Variants in RAD51B observed in about 807,000 individuals in gnomAD.
RAD51B encodes DNA repair protein RAD51 homolog 2.
In RAD51B, 38 loss-of-function variants were observed where a neutral mutation model predicts 42.2. The ratio of observed to expected loss-of-function variants is 0.90; its 90% CI spans 0.70 to 1.18. The LOEUF is 1.18. Ranked by LOEUF, RAD51B falls within the 50% of genes most tolerant of loss-of-function variation. The pLI is 0.00. For missense variants in RAD51B, 373 were observed against 400.7 expected (o/e 0.93, Z 0.59); for synonymous variants, 154 against 145.2 (o/e 1.06, Z -0.43).
chr14:68,420,518 C>T (rs964396305), intron 9 of RAD51B, among the ~76,000 whole-genome samples: 1 of 152,094 alleles, frequency 6.6e-6, no homozygotes, highest in Admixed American at 6.5e-5. Context: ...CAGAACTGGG[C>T]GTTCCTCCCC....
chr14:68,352,178 A>G (rs2082803793), intron 8 of RAD51B, among the ~76,000 whole-genome samples: 2 of 152,198 alleles, frequency 1.3e-5, no homozygotes, highest in South Asian at 4.1e-4. Context: ...ATAAATAAAT[A>G]TAAGTTGAAT....
downstream of RAD51B, among the ~76,000 whole-genome samples, chr14:68,599,064 C>G (rs762411346): frequency 1.3e-5 from 2 of 152,180 alleles, no homozygotes; most frequent in African/African-American, 4.8e-5. Flanking sequence ...TCTCCTGCGC[C>G]GTATCTGAGC....
In RAD51B at chr14:67,950,128, CGA is replaced by C. The variant is rs141641584; in HGVS notation, c.756+62930_756+62931del. The stretch of plus-strand genomic sequence containing the variant: ...AGTTGCCAACTGCATTAGCCTCTAC[CGA>C]GAGAGTCAGCCTATCCTTTGAAGTT... On this transcript the variant is annotated intron_variant, in intron 7 of 10. Coordinates refer to ENST00000471583, the MANE Select transcript of RAD51B (RefSeq NM_133510.4). Among the ~76,000 whole-genome samples, 799 of 152,252 alleles carry C rather than the reference CGA, an allele frequency of 5.2e-3. 7 individuals carry two copies. The highest frequency in any genetic ancestry group is 6.1e-3 in the Non-Finnish European group (415 of 68,016).
chr14:68,222,993 C>T (rs747618104), intron 7 of RAD51B, among the ~76,000 whole-genome samples: 1 of 152,190 alleles, frequency 6.6e-6, no homozygotes, highest in Non-Finnish European at 1.5e-5. Context: ...TCCAGCCCCA[C>T]GTGTCCAAGT....
At position 68,312,910 on chromosome 14, in the gene RAD51B, C is replaced by G. The variant is rs1209865058; in HGVS notation, c.853+20930C>G. 2.0e-5 allele frequency among the ~76,000 whole-genome samples: 3 copies of G among 152,168 alleles called. 1 individual carries two copies. Among genetic ancestry groups the G allele is most frequent in the Admixed American group, 1.3e-4 (2 of 15,272 alleles). The stretch of plus-strand genomic sequence containing the variant: ...ATTAAGGCCATTTGGTCTATTGATG[C>G]AAAATACCTTCGTTTTACTAACCAC... On this transcript the variant is annotated intron_variant, in intron 8 of 10. Coordinates refer to ENST00000471583, the MANE Select transcript of RAD51B (RefSeq NM_133510.4).
At chr14:68,235,572 C>T (rs372283745) in intron 7 of RAD51B, among the ~76,000 whole-genome samples, 3 of 149,620 alleles carry the variant, frequency 2.0e-5, no homozygotes, top group South Asian at 4.3e-4. Context: ...GGCGTAGTGG[C>T]GGGCGCCTGT....
intron 7 of RAD51B, among the ~76,000 whole-genome samples, chr14:67,966,316 T>C (rs1268094715): frequency 1.3e-5 from 2 of 152,158 alleles, no homozygotes; most frequent in African/African-American, 4.8e-5. Flanking sequence ...AAATAGCAGC[T>C]CTTTACCTCA....
At chr14:68,338,848 C>T (rs760141934) in intron 8 of RAD51B, 3 of 609,468 alleles carry the variant, frequency 4.9e-6, no homozygotes, top group Non-Finnish European at 6.3e-6. Context: ...TCGTATCTGT[C>T]GTAGTTGGTC....
intron 4 of RAD51B, among the ~76,000 whole-genome samples, chr14:67,838,872 C>T (rs571377080): frequency 6.7e-6 from 1 of 150,254 alleles, no homozygotes; most frequent in Admixed American, 6.6e-5. Flanking sequence ...GAACTTTCCT[C>T]CATTTCCTAG....
exon 11 of RAD51B, chr14:68,595,372 C>A: frequency 9.4e-7 from 1 of 1,066,362 alleles, no homozygotes; most frequent in Non-Finnish European, 1.1e-6. Context: ...GTCAAGGGAG[C>A]CTGTTTTGTC....
intron 8 of RAD51B, among the ~76,000 whole-genome samples, chr14:68,382,004 TG>T (rs2083488346): frequency 1.3e-5 from 2 of 152,150 alleles, no homozygotes; most frequent in Admixed American, 6.5e-5. Context: ...AAGTAAGATT[TG>T]GGATTAGGAG....
intron 7 of RAD51B, among the ~76,000 whole-genome samples, chr14:68,051,814 G>C (rs966595210): frequency 6.6e-6 from 1 of 151,786 alleles, no homozygotes; most frequent in African/African-American, 2.4e-5. Context: ...TATTGTCCAG[G>C]CTGGTCTTGA....
At chr14:67,846,522 C>G (rs1172417879) in intron 4 of RAD51B, among the ~76,000 whole-genome samples, 1 of 152,112 alleles carries the variant, frequency 6.6e-6, no homozygotes, top group Non-Finnish European at 1.5e-5. Flanking sequence ...GCTGGCAAAG[C>G]AGCACAGAGG....
rs149955148 is a variant in RAD51B, at chr14:68,419,273, G to A, written c.957+7746G>A. ...AAATTCAATTCTTTCAATTCTGAAT[G>A]TGTTGCTATTTTCACTTTACTCTGG... On this transcript the variant is annotated intron_variant, in intron 9 of 10. Transcript: ENST00000471583. Among the ~76,000 whole-genome samples the A allele has an allele frequency of 1.6e-4, 24 of 152,248 alleles. No homozygotes were observed. In the East Asian group the frequency reaches 4.1e-3, roughly 26 times the overall value.
chr14:68,213,301 G>C (rs1057335885), intron 7 of RAD51B, among the ~76,000 whole-genome samples: 1 of 152,116 alleles, frequency 6.6e-6, no homozygotes, highest in African/African-American at 2.4e-5. Context: ...GTGTATACTA[G>C]TAATATTCCA....
chr14:68,265,808 A>T (rs894933100), intron 7 of RAD51B, among the ~76,000 whole-genome samples: 2 of 152,192 alleles, frequency 1.3e-5, no homozygotes, highest in Non-Finnish European at 2.9e-5. Flanking sequence ...TAATATGATA[A>T]ATGCTATTCT....
intron 7 of RAD51B, among the ~76,000 whole-genome samples, chr14:68,106,092 A>G (rs969573900): frequency 1.2e-4 from 18 of 151,994 alleles, no homozygotes; most frequent in African/African-American, 3.9e-4. Flanking sequence ...AAACAGCAGA[A>G]GGCATTTTAG....
chr14:67,874,859 C>T (rs751232898), intron 5 of RAD51B, among the ~76,000 whole-genome samples: 2 of 151,436 alleles, frequency 1.3e-5, no homozygotes, highest in African/African-American at 2.4e-5. Context: ...ATATATTGTC[C>T]GTATTAGAGA....
chr14:67,823,396 T>G, intron 1 of RAD51B, 146 bp from the exon 2 acceptor site: 1 of 576,658 alleles, frequency 1.7e-6, no homozygotes, highest in Non-Finnish European at 3.0e-6. Context: ...CCTTTATCAG[T>G]AATATTTTTA....
Sources: allele counts gnomAD v4.1 joint callset (sites outside exome capture counted in the v4.1 genomes callset), GRCh38; gene constraint gnomAD v4.1.1; transcripts MANE v1.5; gene names NCBI Gene and HGNC (gene_info 2026-07-23, HGNC 2026-07-21).